The following SLC7A14 variants were observed in gnomAD, a reference collection of about 807,000 sequenced individuals.
SLC7A14 encodes solute carrier family 7 member 14.
In SLC7A14, 37 loss-of-function variants were observed where a neutral mutation model predicts 60.2. The ratio of observed to expected loss-of-function variants is 0.61; its 90% confidence interval spans 0.47 to 0.81. The LOEUF (loss-of-function observed/expected upper bound fraction) is 0.81, where lower values mean the gene tolerates loss of function less well. SLC7A14 is among the 30% of genes least tolerant of loss of function. The pLI, the probability that SLC7A14 is intolerant of heterozygous loss-of-function variation, is 0.00. For missense variants in SLC7A14, 886 were observed against 982.7 expected (o/e 0.90, Z 1.32); for synonymous variants, 399 against 395.8 (o/e 1.01, Z -0.10).
chr3:170,462,408 T>C lies in SLC7A14; in HGVS notation c.*4647A>G, dbSNP rs574474199. 1.3e-5 allele frequency: 2 copies of C among 152,324 alleles called. No individual in the cohort carries two copies. The highest frequency in any genetic ancestry group is 1.3e-4 in the Admixed American group (2 of 15,306). The allele number at this position is 152,324 out of a possible 1,614,324, so 9.4% of individuals were successfully genotyped here. On this transcript the variant is annotated 3_prime_UTR_variant, in exon 8 of 8. Coordinates refer to ENST00000231706, the MANE Select transcript of SLC7A14 (RefSeq NM_020949.3). ...AGCAGAATAGAGGAGAGAGATTTCT[T>C]TGAAGGAGTTTGTGTTTTGTTTTTC...
chr3:170,572,060 C>CA (rs765897392), intron 1 of SLC7A14, among the ~76,000 whole-genome samples: 26,245 of 80,184 alleles, frequency 0.33, 3,871 homozygotes, highest in Non-Finnish European at 0.43. Context: ...GACTCTGTCT[C>CA]AAAAAAAAAA....
At chr3:170,518,290 C>A (rs1163534217) in intron 2 of SLC7A14, among the ~76,000 whole-genome samples, 1 of 152,190 alleles carries the variant, frequency 6.6e-6, no homozygotes, top group Non-Finnish European at 1.5e-5. Flanking sequence ...TCTGATTCTA[C>A]TTTCACTTTC....
At chr3:170,517,491 C>A (rs1410418280) in intron 2 of SLC7A14, among the ~76,000 whole-genome samples, 1 of 152,176 alleles carries the variant, frequency 6.6e-6, no homozygotes, top group Non-Finnish European at 1.5e-5. Context: ...AAGGACCAAC[C>A]CTCCTGTTTC....
intron 2 of SLC7A14, among the ~76,000 whole-genome samples, chr3:170,519,072 A>T (rs1713256927): frequency 6.6e-6 from 1 of 152,204 alleles, no homozygotes; most frequent in Non-Finnish European, 1.5e-5. Flanking sequence ...AGGGGACAGC[A>T]GGTAGGAGGT....
At chr3:170,568,392 A>G (rs1000298903) in intron 1 of SLC7A14, among the ~76,000 whole-genome samples, 1 of 152,216 alleles carries the variant, frequency 6.6e-6, no homozygotes, top group African/African-American at 2.4e-5. Context: ...AAAAAGTACC[A>G]TGCTGTTTTG....
At chr3:170,473,129 A>C (rs962311133) in intron 7 of SLC7A14, among the ~76,000 whole-genome samples, 1 of 152,142 alleles carries the variant, frequency 6.6e-6, no homozygotes, top group Admixed American at 6.5e-5. Context: ...TACAAAAGCT[A>C]AGCTTGCGTT....
At position 170,585,740 on chromosome 3, in the gene SLC7A14, T is replaced by C. The variant is rs1362317673; in HGVS notation, c.-153+171A>G. Among the ~76,000 whole-genome samples, 1 of 151,862 alleles carries C rather than the reference T, an allele frequency of 6.6e-6. No homozygotes were observed. The highest frequency in any genetic ancestry group is 1.5e-5 in the Non-Finnish European group (1 of 67,944). On this transcript the variant is annotated intron_variant, in intron 1 of 7. Transcript: ENST00000231706. The surrounding 1 kb of genome is among the most constrained non-coding windows in gnomAD (Gnocchi z 5.1). The stretch of plus-strand genomic sequence containing the variant: ...CTCCTCGGTTCTTCCAGGGAACCCC[T>C]TCTCGGAGGGCGCCCTGGGCCTCCG...
rs116309673 is a variant in SLC7A14 at position 170,563,169 on chromosome 3, T to G, written c.-153+22742A>C. Reference sequence around the variant, plus strand: ...TTAGGTGAAGCTTCTTTTTGGTCATTTAACTTGAAGAATTGCATCTCAACC... The same window carrying G: ...TTAGGTGAAGCTTCTTTTTGGTCATGTAACTTGAAGAATTGCATCTCAACC... On this transcript the variant is annotated intron_variant, in intron 1 of 7. Transcript: ENST00000231706. 3.1e-3 allele frequency among the ~76,000 whole-genome samples: 467 copies of G among 152,272 alleles called. 3 individuals carry two copies. The highest frequency in any genetic ancestry group is 0.011 in the African/African-American group (449 of 41,560).
intron 4 of SLC7A14, among the ~76,000 whole-genome samples, chr3:170,492,350 A>T (rs967881510): frequency 6.6e-6 from 1 of 152,174 alleles, no homozygotes; most frequent in Non-Finnish European, 1.5e-5. Context: ...ATAGTATTGA[A>T]AAAAATTAGC....
intron 5 of SLC7A14, 130 bp from the exon 6 acceptor site, chr3:170,483,652 G>C (rs1711921137): frequency 2.2e-6 from 2 of 900,954 alleles, no homozygotes; most frequent in East Asian, 5.1e-5. Flanking sequence ...CCATTCACTT[G>C]CTGGCATGTG....
At chr3:170,503,672 G>A (rs1712680838) in intron 2 of SLC7A14, among the ~76,000 whole-genome samples, 1 of 152,150 alleles carries the variant, frequency 6.6e-6, no homozygotes, top group Non-Finnish European at 1.5e-5. Flanking sequence ...TTTGAAGCAG[G>A]CATCGATTTG....
rs548290941 is a variant in SLC7A14, at chr3:170,497,087, C to CAAA, written c.759+1577_759+1579dup. On this transcript the variant is annotated intron_variant, in intron 4 of 7. Coordinates refer to ENST00000231706, the MANE Select transcript of SLC7A14 (RefSeq NM_020949.3). Reference sequence around the variant, plus strand: ...AACAATTTAATTGCTTTATTTTGTCCAAAAAAAAAAAAAAAAAAAAAAAGA... The same window carrying CAAA: ...AACAATTTAATTGCTTTATTTTGTCCAAAAAAAAAAAAAAAAAAAAAAAAAAGA... 5.6e-3 allele frequency among the ~76,000 whole-genome samples: 530 copies of CAAA among 94,174 alleles called. 2 individuals carry two copies. The highest frequency in any genetic ancestry group is 7.4e-3 in the Non-Finnish European group (350 of 47,370). 61.8% of individuals were successfully genotyped at this position (94,174 alleles called of 152,430 possible).
At chr3:170,523,948 G>A (rs1206145001) in intron 2 of SLC7A14, among the ~76,000 whole-genome samples, 1 of 152,160 alleles carries the variant, frequency 6.6e-6, no homozygotes, top group Non-Finnish European at 1.5e-5. Context: ...TGATATTTTG[G>A]TCCTGGCCTG....
chr3:170,504,036 C>T (rs140396078), intron 2 of SLC7A14, among the ~76,000 whole-genome samples: 30 of 152,172 alleles, frequency 2.0e-4, no homozygotes, highest in Admixed American at 4.6e-4. Context: ...TTCACGAAAT[C>T]GTTGTTTTGG....
chr3:170,510,413 T>TA (rs1560264183), intron 2 of SLC7A14, among the ~76,000 whole-genome samples: 9 of 135,606 alleles, frequency 6.6e-5, no homozygotes, highest in African/African-American at 1.9e-4. Context: ...AATAAATAAA[T>TA]AAATAAATAA....
At chr3:170,502,378 A>G (rs1478635709) in intron 2 of SLC7A14, among the ~76,000 whole-genome samples, 1 of 152,220 alleles carries the variant, frequency 6.6e-6, no homozygotes, top group African/African-American at 2.4e-5. Flanking sequence ...ATGCACTGGA[A>G]TATTGCCTCA....
chr3:170,498,516 T>G, intron 4 of SLC7A14, 151 bp downstream of exon 4: 1 of 674,568 alleles, frequency 1.5e-6, no homozygotes, highest in Non-Finnish European at 2.5e-6. Flanking sequence ...CTTCAGGATA[T>G]TCCAACTAAA....
chr3:170,481,838 G>A (rs1009929883), intron 6 of SLC7A14, among the ~76,000 whole-genome samples: 7 of 152,188 alleles, frequency 4.6e-5, no homozygotes, highest in African/African-American at 1.7e-4. Context: ...AGTGATGGTT[G>A]GAGGAAGTCA....
chr3:170,557,586 A>T (rs548806348), intron 1 of SLC7A14, among the ~76,000 whole-genome samples: 22 of 152,324 alleles, frequency 1.4e-4, no homozygotes, highest in Admixed American at 1.4e-3. Context: ...GACCTAGTGT[A>T]TAAGAGTGGA....
Sources: gnomAD v4.1 joint callset for allele counts (sites outside exome capture counted in the v4.1 genomes callset) on GRCh38, gnomAD v4.1.1 for gene constraint, Gnocchi (gnomAD v3.1) non-coding constraint, MANE v1.5 for transcripts, NCBI Gene and HGNC (gene_info 2026-07-23, HGNC 2026-07-21) for gene names.